CLDN10: variants seen among roughly 807,000 people sequenced by gnomAD.
CLDN10 encodes the protein claudin-10.
Under a neutral mutation model 22.9 loss-of-function variants are expected in CLDN10, and 15 were observed. That is an observed-to-expected ratio of 0.65 (90% CI 0.44 to 1.01). The LOEUF (loss-of-function observed/expected upper bound fraction) is 1.01, where lower values mean the gene tolerates loss of function less well. CLDN10 is among the 50% of genes least tolerant of loss of function. The pLI, the probability that CLDN10 is intolerant of heterozygous loss-of-function variation, is 0.00. For synonymous variants in CLDN10, 114 were observed against 111.4 expected (o/e 1.02, Z -0.15); for missense variants, 247 against 287.8 (o/e 0.86, Z 1.03).
intron 3 of CLDN10, among the ~76,000 whole-genome samples, chr13:95,568,766 A>G (rs541015094): frequency 6.6e-6 from 1 of 152,164 alleles, no homozygotes; most frequent in Non-Finnish European, 1.5e-5. Flanking sequence ...GTAAATCTGC[A>G]GTGGTGTAGG....
At chr13:95,551,849 T>A (rs1406199172), upstream of CLDN10, among the ~76,000 whole-genome samples, 1 of 152,064 alleles carries the variant, frequency 6.6e-6, no homozygotes, top group Non-Finnish European at 1.5e-5. Flanking sequence ...AATGAATGAG[T>A]TTATATTTCA....
intron 1 of CLDN10, among the ~76,000 whole-genome samples, chr13:95,439,638 G>A (rs2042306130): frequency 6.6e-6 from 1 of 151,146 alleles, no homozygotes; most frequent in African/African-American, 2.4e-5. Context: ...CCAGCCTCTG[G>A]GGCCTCTTTT....
intron 1 of CLDN10, among the ~76,000 whole-genome samples, chr13:95,546,867 TTCTTTA>T (rs1223309014): frequency 3.9e-5 from 6 of 152,146 alleles, no homozygotes; most frequent in South Asian, 2.1e-4. Context: ...ACTTCTTCTC[TTCTTTA>T]TCTTTATTTC....
rs2042933135 is a variant in CLDN10 at position 95,496,681 on chromosome 13, T to G, written c.214+62634T>G. On this transcript the variant is annotated intron_variant, in intron 1 of 4. Coordinates refer to the CLDN10 transcript ENST00000376873. ...GTTCTGGAGAGTGACCCAGCCCTTG[T>G]CTCTTCCTCTTCTTGTAAGGGCACT... 2.6e-5 allele frequency among the ~76,000 whole-genome samples: 4 copies of G among 152,256 alleles called. No individual in the cohort carries two copies. The South Asian group carries it at 8.3e-4, about 32-fold the overall frequency.
chr13:95,505,265 A>G (rs2043026067), intron 1 of CLDN10, among the ~76,000 whole-genome samples: 1 of 152,196 alleles, frequency 6.6e-6, no homozygotes, highest in African/African-American at 2.4e-5. Context: ...AACTAAAAAT[A>G]TAAAATCAGA....
intron 1 of CLDN10, among the ~76,000 whole-genome samples, chr13:95,504,664 G>C (rs2043019948): frequency 6.6e-6 from 1 of 152,166 alleles, no homozygotes; most frequent in African/African-American, 2.4e-5. Flanking sequence ...ACAAGCATGA[G>C]CCACCACGCC....
At chr13:95,569,778 C>CT (rs759748280) in intron 3 of CLDN10, among the ~76,000 whole-genome samples, 6 of 151,292 alleles carry the variant, frequency 4.0e-5, no homozygotes, top group Admixed American at 2.6e-4. Context: ...TCAGATACGC[C>CT]TTTTTTTTGA....
At chr13:95,519,816 C>A (rs114125155) in intron 1 of CLDN10, among the ~76,000 whole-genome samples, 2,371 of 152,266 alleles carry the variant, frequency 0.016, 64 homozygotes, top group African/African-American at 0.053. Flanking sequence ...ATACTGGGAG[C>A]ATCTCTGGGT....
upstream of CLDN10, among the ~76,000 whole-genome samples, chr13:95,550,727 C>G (rs1251831594): frequency 1.3e-5 from 2 of 150,242 alleles, no homozygotes; most frequent in Non-Finnish European, 2.9e-5. Context: ...AAAGGCAAGC[C>G]ATACAAAAGA....
chr13:95,471,470 T>G (rs1317960041), intron 1 of CLDN10, among the ~76,000 whole-genome samples: 4 of 143,794 alleles, frequency 2.8e-5, no homozygotes, highest in African/African-American at 1.0e-4. Context: ...TTTTTTTTTT[T>G]GAGATGGAGT....
rs1390112744 is a variant in CLDN10 at position 95,438,995 on chromosome 13, A to AC, written c.214+4948_214+4949insC. ...CATCGCAAAAAAAAAAAAAAAAAAA[A>AC]AAAGCGGAGGGTAAAGGAATAGCAC... On this transcript the variant is annotated intron_variant, in intron 1 of 4. Transcript: ENST00000376873. Among the ~76,000 whole-genome samples the AC allele has an allele frequency of 2.0e-5, 3 of 146,688 alleles. 1 individual carries two copies. The East Asian group carries it at 6.2e-4, about 30-fold the overall frequency.
intron 1 of CLDN10, among the ~76,000 whole-genome samples, chr13:95,525,192 A>G (rs34238981): frequency 0.1 from 15,148 of 152,096 alleles, 928 homozygotes; most frequent in Middle Eastern, 0.13. Context: ...CTATCTTAGT[A>G]TGTTTGAAAT....
chr13:95,478,763 C>G (rs2042710233), intron 1 of CLDN10, among the ~76,000 whole-genome samples: 1 of 152,226 alleles, frequency 6.6e-6, no homozygotes, highest in Non-Finnish European at 1.5e-5. Context: ...GCGTTCATCA[C>G]TAACTTGTGA....
intron 1 of CLDN10, among the ~76,000 whole-genome samples, chr13:95,518,009 C>A (rs754837194): frequency 4.7e-4 from 70 of 150,462 alleles, no homozygotes; most frequent in African/African-American, 1.5e-3. Flanking sequence ...AAAAGTTAGA[C>A]AGGACATATT....
intron 1 of CLDN10, among the ~76,000 whole-genome samples, chr13:95,436,941 T>C (rs2042278492): frequency 6.6e-6 from 1 of 152,192 alleles, no homozygotes; most frequent in East Asian, 1.9e-4. Flanking sequence ...TTTAAAATAA[T>C]AAACTATTTA....
chr13:95,574,286 C>A (rs1334659719), intron 3 of CLDN10, among the ~76,000 whole-genome samples: 2 of 151,824 alleles, frequency 1.3e-5, no homozygotes, highest in Non-Finnish European at 2.9e-5. Flanking sequence ...AAGGAAAAGT[C>A]TCTGAAAGAA....
intron 1 of CLDN10, among the ~76,000 whole-genome samples, chr13:95,491,790 T>C (rs538407452): frequency 6.6e-6 from 1 of 152,260 alleles, no homozygotes; most frequent in East Asian, 1.9e-4. Context: ...CTCACTTGGA[T>C]AGGCTCTGTC....
Position 95,495,409 on chromosome 13 carries a change from T to A in CLDN10, c.214+61362T>A, listed in dbSNP as rs11843974. ...ACAAGATCTTGTTCCCTTGGTCAAC[T>A]GAGCCTTTTATTTGAGTCCATGTCT... On this transcript the variant is annotated intron_variant, in intron 1 of 4. Transcript: ENST00000376873. Among the ~76,000 whole-genome samples, 3 of 151,614 alleles carry A rather than the reference T, an allele frequency of 2.0e-5. No individual in the cohort carries two copies. In the South Asian group the frequency reaches 6.3e-4, roughly 32 times the overall value.
intron 1 of CLDN10, among the ~76,000 whole-genome samples, chr13:95,536,199 C>T (rs1178464489): frequency 6.7e-6 from 1 of 148,606 alleles, no homozygotes; most frequent in African/African-American, 2.4e-5. Context: ...AAAAAAAGTC[C>T]TTAATATCTG....
Sources: allele counts gnomAD v4.1 joint callset (sites outside exome capture counted in the v4.1 genomes callset), GRCh38; gene constraint gnomAD v4.1.1; transcripts MANE v1.5; gene names NCBI Gene and HGNC (gene_info 2026-07-23, HGNC 2026-07-21).